Variants in TBC1D15 observed in about 807,000 individuals in gnomAD.
The protein encoded by TBC1D15 is GAP for RAB7.
A neutral mutation model predicts 95.4 loss-of-function variants in TBC1D15; 39 were observed. The observed-to-expected ratio is 0.41, with a 90% confidence interval of 0.32 to 0.53. TBC1D15 has a LOEUF of 0.53. Among genes scored for constraint, TBC1D15 ranks in the 20% least tolerant of loss-of-function variants. TBC1D15 has a pLI of 0.29. For missense variants in TBC1D15, 733 were observed against 794.3 expected (o/e 0.92, Z 0.93); for synonymous variants, 258 against 261.3 (o/e 0.99, Z 0.12).
chr12:71,920,633 A>G (rs1868932460), intron 14 of TBC1D15, 98 bp from the exon 15 acceptor site: 1 of 935,352 alleles, frequency 1.1e-6, no homozygotes, highest in South Asian at 1.4e-5. Context: ...GGCAACATCT[A>G]CTTTGCATAG....
intron 14 of TBC1D15, among the ~76,000 whole-genome samples, chr12:71,919,645 C>T (rs1001628670): frequency 5.9e-5 from 9 of 152,132 alleles, no homozygotes; most frequent in African/African-American, 2.2e-4. Context: ...TATCTGGAAT[C>T]GTACTTAAAT....
In TBC1D15 at chr12:71,923,181, G is replaced by A. The variant is rs1170165569; in HGVS notation, c.2002G>A (p.Val668Ile). Residue 668 changes from valine (V) to isoleucine (I), a missense_variant, in exon 17 of 17, where the codon GTC becomes ATC. Physicochemically the swap from Val to Ile is conservative, Grantham distance 29. Coordinates refer to ENST00000485960, the MANE Select transcript of TBC1D15 (RefSeq NM_001146213.3). ...AACACAGATACCAGTGTCCTCAGAT[G>A]TCTGCAGATTAACACCTGCATGATC... ...SPTQIPVSSD[V>I]CRLTPA The A allele has an allele frequency of 1.2e-6, 2 of 1,614,164 alleles. No individual in the cohort carries two copies. The highest frequency in any genetic ancestry group is 2.2e-5 in the East Asian group (1 of 44,880).
chr12:71,903,679 G>A (rs995758672), intron 10 of TBC1D15, among the ~76,000 whole-genome samples: 5 of 152,212 alleles, frequency 3.3e-5, no homozygotes, highest in Non-Finnish European at 5.9e-5. Flanking sequence ...AGAATGCTAT[G>A]CAGCCATAAT....
chr12:71,859,877 C>T (rs1245001558), intron 1 of TBC1D15, among the ~76,000 whole-genome samples: 2 of 152,176 alleles, frequency 1.3e-5, no homozygotes, highest in Non-Finnish European at 1.5e-5. Context: ...TCCCAAAGTG[C>T]TAGGATTACA....
intron 1 of TBC1D15, among the ~76,000 whole-genome samples, chr12:71,864,465 T>C (rs1891049934): frequency 6.6e-6 from 1 of 151,996 alleles, no homozygotes; most frequent in African/African-American, 2.4e-5. Flanking sequence ...TTATAGAGAA[T>C]GACTTTCACC....
intron 5 of TBC1D15, among the ~76,000 whole-genome samples, chr12:71,890,962 T>C (rs943960247): frequency 1.3e-5 from 2 of 152,200 alleles, no homozygotes; most frequent in Non-Finnish European, 2.9e-5. Flanking sequence ...ATTTTTACAT[T>C]GATATGCAAA....
At chr12:71,840,146 T>TTATGTCTAC (rs1884564480) in intron 1 of TBC1D15, among the ~76,000 whole-genome samples, 1 of 152,230 alleles carries the variant, frequency 6.6e-6, no homozygotes, top group Non-Finnish European at 1.5e-5. Flanking sequence ...CTCTAGTTCT[T>TTATGTCTAC]TATGTCTACT....
chr12:71,893,091 A>G, intron 5 of TBC1D15, 131 bp from the exon 6 acceptor site: 2 of 518,556 alleles, frequency 3.9e-6, no homozygotes, highest in South Asian at 3.5e-5. Flanking sequence ...TTGCTAATGT[A>G]TTAATGGAAA....
At chr12:71,922,873 G>C in intron 16 of TBC1D15, 110 bp from the exon 17 acceptor site, 5 of 1,035,552 alleles carry the variant, frequency 4.8e-6, no homozygotes, top group Non-Finnish European at 7.2e-6. Context: ...ACACTGTTAG[G>C]ACAAATGCTC....
At chr12:71,843,563 T>G (rs1414197337) in intron 1 of TBC1D15, among the ~76,000 whole-genome samples, 1 of 152,218 alleles carries the variant, frequency 6.6e-6, no homozygotes, top group Non-Finnish European at 1.5e-5. Context: ...TGGCATTCTT[T>G]AGTTCAACAA....
chr12:71,890,701 A>C (rs1019422008), intron 5 of TBC1D15, among the ~76,000 whole-genome samples: 2 of 152,110 alleles, frequency 1.3e-5, no homozygotes, highest in Non-Finnish European at 2.9e-5. Flanking sequence ...CAACAACCCG[A>C]TCTAGTCAGT....
At chr12:71,844,611 A>G (rs1885860793) in intron 1 of TBC1D15, among the ~76,000 whole-genome samples, 1 of 152,190 alleles carries the variant, frequency 6.6e-6, no homozygotes, top group African/African-American at 2.4e-5. Context: ...TGTTGGTACA[A>G]TTACATGTTG....
chr12:71,870,357 A>G lies in TBC1D15; in HGVS notation c.31-1713A>G, dbSNP rs528850861. Among the ~76,000 whole-genome samples the G allele has an allele frequency of 1.4e-4, 21 of 152,232 alleles. No individual in the cohort carries two copies. In the East Asian group the frequency reaches 2.7e-3, roughly 20 times the overall value. On this transcript the variant is annotated intron_variant, in intron 1 of 16. Transcript: ENST00000485960. ...GCTTTAAAATTTTTCATCTCTGTAC[A>G]AACAGTATAGAATTATCTCCCACCC...
At chr12:71,916,503 A>C (rs1903739864) in intron 12 of TBC1D15, among the ~76,000 whole-genome samples, 1 of 152,198 alleles carries the variant, frequency 6.6e-6, no homozygotes, top group African/African-American at 2.4e-5. Context: ...TTTAAAATTC[A>C]TTAAAGAGAA....
chr12:71,898,033 C>A, intron 10 of TBC1D15, 92 bp downstream of exon 10: 1 of 884,202 alleles, frequency 1.1e-6, no homozygotes, highest in Non-Finnish European at 1.8e-6. Flanking sequence ...GGTAATAGCA[C>A]TAGGGCTCAA....
chr12:71,893,923 C>G (rs1897675444), intron 6 of TBC1D15, among the ~76,000 whole-genome samples: 1 of 151,444 alleles, frequency 6.6e-6, no homozygotes, highest in Admixed American at 6.6e-5. Context: ...TATTCTTTTC[C>G]TGGTTTTGAA....
At chr12:71,863,945 CTG>C (rs1890919314) in intron 1 of TBC1D15, among the ~76,000 whole-genome samples, 1 of 151,472 alleles carries the variant, frequency 6.6e-6, no homozygotes, top group Admixed American at 6.6e-5. Flanking sequence ...ATTGAATTAT[CTG>C]TATTTTTTTT....
intron 7 of TBC1D15, among the ~76,000 whole-genome samples, chr12:71,895,106 A>G (rs1042013303): frequency 6.6e-6 from 1 of 151,762 alleles, no homozygotes; most frequent in Non-Finnish European, 1.5e-5. Context: ...CTCTTCTTTG[A>G]TTACCTTTTG....
At chr12:71,878,543 T>G (rs1164427802) in intron 3 of TBC1D15, among the ~76,000 whole-genome samples, 3 of 147,540 alleles carry the variant, frequency 2.0e-5, no homozygotes, top group African/African-American at 2.5e-5. Flanking sequence ...TTTGGAGGAG[T>G]CTCTCTCTTT....
Sources: gnomAD v4.1 joint callset for allele counts (sites outside exome capture counted in the v4.1 genomes callset) on GRCh38, gnomAD v4.1.1 for gene constraint, MANE v1.5 for transcripts, NCBI Gene and HGNC (gene_info 2026-07-23, HGNC 2026-07-21) for gene names.